The following MAP3K2 variants were observed in gnomAD, a reference collection of about 807,000 sequenced individuals.
The protein encoded by MAP3K2 is MAP/ERK kinase kinase 2.
A neutral mutation model predicts 80.3 loss-of-function variants in MAP3K2; 24 were observed. The observed-to-expected ratio is 0.30, with a 90% CI of 0.22 to 0.42. The LOEUF is 0.42. Ranked by LOEUF, MAP3K2 falls within the 10% of genes least tolerant of loss-of-function variation. The pLI is 1.00. For synonymous variants in MAP3K2, 244 were observed against 253.7 expected (o/e 0.96, Z 0.36); for missense variants, 608 against 750.1 (o/e 0.81, Z 2.21).
Position 127,301,217 on chromosome 2 carries a change from T to C in MAP3K2, c.*6362A>G, listed in dbSNP as rs1212577448. 1 of 152,202 alleles carries C rather than the reference T, an allele frequency of 6.6e-6. No homozygotes were observed. Among genetic ancestry groups the C allele is most frequent in the African/African-American group, 2.4e-5 (1 of 41,456 alleles). The allele number at this position is 152,202 out of a possible 1,614,324, so 9.4% of individuals were successfully genotyped here. On this transcript the variant is annotated 3_prime_UTR_variant, in exon 17 of 17. Transcript: ENST00000682094. ...AACCTACTTTTCCTCACAGCTTTGC[T>C]GAAATGCCCCTCAAGTCAAACATAA...
At chr2:127,387,259 G>A (rs576067189) in intron 1 of MAP3K2, among the ~76,000 whole-genome samples, 193 bp downstream of exon 1, 1 of 152,196 alleles carries the variant, frequency 6.6e-6, no homozygotes, top group African/African-American at 2.4e-5. Context: ...TGGGCTTTAG[G>A]ACTGGATGCA....
chr2:127,325,007 G>A (rs1310284974), intron 9 of MAP3K2, among the ~76,000 whole-genome samples: 1 of 152,126 alleles, frequency 6.6e-6, no homozygotes, highest in Non-Finnish European at 1.5e-5. Context: ...TTCTAATCTG[G>A]TGCCAGAATG....
chr2:127,353,155 C>T (rs55674997), intron 1 of MAP3K2, among the ~76,000 whole-genome samples: 5,154 of 151,808 alleles, frequency 0.034, 128 homozygotes, highest in Middle Eastern at 0.072. Context: ...TCTGCCTGGC[C>T]GCCCATCGTC....
intron 3 of MAP3K2, among the ~76,000 whole-genome samples, chr2:127,338,011 A>C (rs771085622): frequency 3.9e-5 from 6 of 152,222 alleles, no homozygotes; most frequent in Non-Finnish European, 8.8e-5. Flanking sequence ...ACCAAGATCT[A>C]TTAGTGAAGG....
At chr2:127,351,053 C>G (rs1300900084) in intron 1 of MAP3K2, among the ~76,000 whole-genome samples, 2 of 152,112 alleles carry the variant, frequency 1.3e-5, no homozygotes, top group African/African-American at 2.4e-5. Flanking sequence ...CTCTGTAAAC[C>G]TCAAAACTGT....
At chr2:127,309,100 CCA>C (rs1191025781) in intron 15 of MAP3K2, among the ~76,000 whole-genome samples, 13 of 152,090 alleles carry the variant, frequency 8.5e-5, no homozygotes, top group African/African-American at 3.1e-4. Flanking sequence ...AAGAAAGCCC[CCA>C]GTTTCTCTAT....
chr2:127,327,670 TAC>T (rs1196689475), intron 7 of MAP3K2, among the ~76,000 whole-genome samples: 1 of 152,110 alleles, frequency 6.6e-6, no homozygotes, highest in Non-Finnish European at 1.5e-5. Context: ...TTTATCAGCA[TAC>T]ACTCCTAACC....
At chr2:127,355,953 G>A (rs1024354069) in intron 1 of MAP3K2, among the ~76,000 whole-genome samples, 1 of 152,112 alleles carries the variant, frequency 6.6e-6, no homozygotes, top group African/African-American at 2.4e-5. Flanking sequence ...ACCAGGAGTA[G>A]ATTCCATCTC....
At chr2:127,336,668 C>CA (rs982505410) in intron 4 of MAP3K2, among the ~76,000 whole-genome samples, 1 of 151,926 alleles carries the variant, frequency 6.6e-6, no homozygotes, top group Non-Finnish European at 1.5e-5. Context: ...GGAAAATATC[C>CA]AAAAAAGAAT....
At chr2:127,345,375 A>G (rs1039004995) in intron 1 of MAP3K2, among the ~76,000 whole-genome samples, 4 of 152,254 alleles carry the variant, frequency 2.6e-5, no homozygotes, top group Non-Finnish European at 5.9e-5. Context: ...CGCAAAATAC[A>G]CAATGCAAAA....
At chr2:127,361,170 G>A (rs1191767665) in intron 1 of MAP3K2, among the ~76,000 whole-genome samples, 2 of 151,854 alleles carry the variant, frequency 1.3e-5, no homozygotes, top group Admixed American at 6.6e-5. Context: ...AAAATTAGCT[G>A]GGCATGGTGG....
At chr2:127,384,668 C>CTTT (rs759223038) in intron 1 of MAP3K2, among the ~76,000 whole-genome samples, 2 of 144,836 alleles carry the variant, frequency 1.4e-5, no homozygotes, top group Non-Finnish European at 1.5e-5. Flanking sequence ...ACAAAGTGGC[C>CTTT]TTTTTTTTTT....
chr2:127,374,186 C>T (rs2139142), intron 1 of MAP3K2, among the ~76,000 whole-genome samples: 27,386 of 152,028 alleles, frequency 0.18, 2,914 homozygotes, highest in South Asian at 0.34. Flanking sequence ...CTCAGCTCAT[C>T]GATATTGTTA....
In MAP3K2 at chr2:127,307,736, G is replaced by A. The variant is rs892231382; in HGVS notation, c.1703C>T (p.Ala568Val). 1 of 1,598,506 alleles carries A rather than the reference G, an allele frequency of 6.3e-7. No individual in the cohort carries two copies. The highest frequency in any genetic ancestry group is 1.7e-5 in the Admixed American group (1 of 57,676). The change falls in exon 17 of 17, where the codon GCT becomes GTT. Residue 568 changes from alanine (A) to valine (V), a missense_variant. Coordinates refer to ENST00000682094, the MANE Select transcript of MAP3K2 (RefSeq NM_001371910.2). The surrounding 1 kb of genome is among the most constrained non-coding windows in gnomAD (Gnocchi z 5.4). ...CTGAGTGGCGATTTTAAAGATGGCAGCCATTGCTTCAAATTCAGCCCAAGG... is the reference window on the plus strand; with the variant it reads ...CTGAGTGGCGATTTTAAAGATGGCAACCATTGCTTCAAATTCAGCCCAAGG... Reference protein sequence around the residue: ...KPPWAEFEAMAAIFKIATQPT... With the variant: ...KPPWAEFEAMVAIFKIATQPT...
At position 127,304,898 on chromosome 2, in the gene MAP3K2, T is replaced by C. The variant is rs1363765976; in HGVS notation, c.*2681A>G. The C allele has an allele frequency of 6.6e-6, 1 of 152,560 alleles. No individual in the cohort carries two copies. 9.5% of individuals were successfully genotyped at this position (152,560 alleles called of 1,614,324 possible). A position where few individuals can be genotyped will look rare whatever the true frequency, so the allele number is the denominator to read the frequency against. Reference sequence around the variant, plus strand: ...TTGTTTGAAATAAATTCACATCGTATTTTATATAATAACTCTGTAAACTAT... The same window carrying C: ...TTGTTTGAAATAAATTCACATCGTACTTTATATAATAACTCTGTAAACTAT... On this transcript the variant is annotated 3_prime_UTR_variant, in exon 17 of 17. Coordinates refer to ENST00000682094, the MANE Select transcript of MAP3K2 (RefSeq NM_001371910.2).
At chr2:127,374,222 T>G (rs1022593654) in intron 1 of MAP3K2, among the ~76,000 whole-genome samples, 1 of 152,246 alleles carries the variant, frequency 6.6e-6, no homozygotes, top group African/African-American at 2.4e-5. Flanking sequence ...GTTTATTTAT[T>G]GCAGAACTTT....
intron 15 of MAP3K2, among the ~76,000 whole-genome samples, chr2:127,313,116 C>T (rs1685839189): frequency 6.6e-6 from 1 of 152,062 alleles, no homozygotes; most frequent in Admixed American, 6.6e-5. Flanking sequence ...TACATTTATT[C>T]TCTTATCAAT....
chr2:127,372,964 C>T (rs1241525253), intron 1 of MAP3K2, among the ~76,000 whole-genome samples: 1 of 152,218 alleles, frequency 6.6e-6, no homozygotes, highest in Non-Finnish European at 1.5e-5. Flanking sequence ...GGCTCCCCTC[C>T]CCCACGGCCA....
chr2:127,326,854 G>C, intron 7 of MAP3K2, 37 bp from the exon 8 acceptor site: 1 of 1,413,110 alleles, frequency 7.1e-7, no homozygotes, highest in South Asian at 1.5e-5. Flanking sequence ...ATAATTATAG[G>C]CAAGGGAATC....
Sources: gnomAD v4.1 joint callset for allele counts (sites outside exome capture counted in the v4.1 genomes callset) on GRCh38, gnomAD v4.1.1 for gene constraint, Gnocchi (gnomAD v3.1) non-coding constraint, MANE v1.5 for transcripts, NCBI Gene and HGNC (gene_info 2026-07-23, HGNC 2026-07-21) for gene names.